The following MYO9A variants were observed in gnomAD, a reference collection of about 807,000 sequenced individuals.
The protein encoded by MYO9A is myosin IXA.
A neutral mutation model predicts 293.3 loss-of-function variants in MYO9A; 103 were observed. The ratio of observed to expected loss-of-function variants is 0.35; its 90% CI spans 0.30 to 0.41. MYO9A has a LOEUF of 0.41. Among genes scored for constraint, MYO9A ranks in the 10% least tolerant of loss-of-function variants. The probability of loss-of-function intolerance (pLI) is 1.00; values close to 1 mark genes in which losing one functional copy is unlikely to be tolerated. For missense variants in MYO9A, 2,685 were observed against 3,033.0 expected, an observed-to-expected ratio of 0.89 and a Z score of 2.69; for synonymous variants, 1,001 against 1,035.7, an observed-to-expected ratio of 0.97 and a Z score of 0.64.
chr15:72,088,676 C>T (rs906830609), intron 1 of MYO9A, among the ~76,000 whole-genome samples: 4 of 152,114 alleles, frequency 2.6e-5, no homozygotes, highest in African/African-American at 7.2e-5. Flanking sequence ...AAGAGCTCTA[C>T]CAGTCAGTAA....
At chr15:72,081,810 T>C (rs1361142676) in intron 1 of MYO9A, among the ~76,000 whole-genome samples, 2 of 152,194 alleles carry the variant, frequency 1.3e-5, no homozygotes, top group Admixed American at 1.3e-4. Context: ...CCTTTGCCCA[T>C]TGCTTGTTTT....
intron 27 of MYO9A, among the ~76,000 whole-genome samples, chr15:71,886,829 T>G (rs1567230826): frequency 2.0e-5 from 3 of 152,114 alleles, no homozygotes; most frequent in Non-Finnish European, 4.4e-5. Flanking sequence ...TATTTCCAGA[T>G]GTATGTTCTT....
chr15:71,998,022 A>G (rs748680355), intron 9 of MYO9A, among the ~76,000 whole-genome samples: 15 of 152,192 alleles, frequency 9.9e-5, no homozygotes, highest in Non-Finnish European at 1.6e-4. Context: ...ACATCCACGT[A>G]TATGCTCACT....
intron 10 of MYO9A, 118 bp downstream of exon 10, chr15:71,994,347 CAAAT>C: frequency 3.6e-6 from 2 of 554,792 alleles, no homozygotes; most frequent in Non-Finnish European, 6.0e-6. Flanking sequence ...TAATAAATAA[CAAAT>C]AAAAGCGATT....
At chr15:71,859,607 T>A in intron 34 of MYO9A, 128 bp downstream of exon 34, 2 of 640,046 alleles carry the variant, frequency 3.1e-6, no homozygotes, top group Non-Finnish European at 5.4e-6. Context: ...ATTTCTACTG[T>A]GATTTGTGGT....
rs771341440 is a variant in MYO9A at position 72,032,604 on chromosome 15, A to G, written c.841-16T>C. 3.8e-6 allele frequency: 6 copies of G among 1,568,926 alleles called. No homozygotes were observed. In the South Asian group the frequency reaches 7.2e-5, roughly 19 times the overall value. ...TTCCAAAGGCCTGTCAAAATAAATA[A>G]TTCTCATTAGTTTCACTAAAAAAAA... On this transcript the variant is annotated splice_polypyrimidine_tract_variant and intron_variant, in intron 2 of 41. Coordinates refer to ENST00000356056, the MANE Select transcript of MYO9A (RefSeq NM_006901.4).
chr15:72,055,687 C>T (rs1262037839), intron 1 of MYO9A, among the ~76,000 whole-genome samples: 1 of 151,816 alleles, frequency 6.6e-6, no homozygotes, highest in Non-Finnish European at 1.5e-5. Flanking sequence ...AGAAGATACA[C>T]AAAAGGTCAA....
chr15:71,966,265 A>AGTGTGTGTGTGTGTGT (rs377708464), intron 13 of MYO9A, among the ~76,000 whole-genome samples: 1,427 of 134,912 alleles, frequency 0.011, 24 homozygotes, highest in African/African-American at 0.023. Flanking sequence ...ATCCCAGGCA[A>AGTGTGTGTGTGTGTGT]GTGTGTGTGT....
At chr15:71,877,264 C>G (rs1017531171) in intron 31 of MYO9A, among the ~76,000 whole-genome samples, 2 of 151,888 alleles carry the variant, frequency 1.3e-5, no homozygotes, top group African/African-American at 4.8e-5. Flanking sequence ...TACACAACAC[C>G]GAGTACGATT....
intron 39 of MYO9A, among the ~76,000 whole-genome samples, chr15:71,837,343 AAAAC>A (rs1366062307): frequency 2.6e-5 from 4 of 152,154 alleles, no homozygotes; most frequent in African/African-American, 9.6e-5. Flanking sequence ...CATGTTAAGA[AAAAC>A]AAGCTAAAAA....
In MYO9A at chr15:72,007,113, A is replaced by G. The variant is rs182726522; in HGVS notation, c.1380+713T>C. Among the ~76,000 whole-genome samples, 3 of 152,298 alleles carry G rather than the reference A, an allele frequency of 2.0e-5. No homozygotes were observed. In the East Asian group the frequency reaches 5.8e-4, roughly 29 times the overall value. On this transcript the variant is annotated intron_variant, in intron 8 of 41. Coordinates refer to ENST00000356056, the MANE Select transcript of MYO9A (RefSeq NM_006901.4). ...GTTTACCTTTATATAGATACAGATG[A>G]TTACATATTAAAATATGTATAGATA...
intron 7 of MYO9A, among the ~76,000 whole-genome samples, chr15:72,008,439 GT>G (rs753480820): frequency 2.1e-3 from 175 of 84,810 alleles, no homozygotes; most frequent in African/African-American, 7.8e-3. Flanking sequence ...GTAAATGGGT[GT>G]GTGTGTGTGT....
intron 1 of MYO9A, among the ~76,000 whole-genome samples, chr15:72,099,815 C>T (rs1244434443): frequency 6.9e-6 from 1 of 144,196 alleles, no homozygotes; most frequent in African/African-American, 2.5e-5. Context: ...GACAGGAGAA[C>T]TGCTTGAACC....
At chr15:72,078,422 A>G (rs1451745530) in intron 1 of MYO9A, among the ~76,000 whole-genome samples, 1 of 152,102 alleles carries the variant, frequency 6.6e-6, no homozygotes, top group Non-Finnish European at 1.5e-5. Context: ...AACCAGAAAG[A>G]TAGAGGCTAG....
intron 4 of MYO9A, among the ~76,000 whole-genome samples, chr15:72,023,643 T>A (rs920003846): frequency 7.2e-6 from 1 of 138,824 alleles, no homozygotes; most frequent in Admixed American, 8.1e-5. Context: ...TGTACTAAGC[T>A]GAGATCACAC....
At chr15:72,100,338 T>C (rs906431141) in intron 1 of MYO9A, among the ~76,000 whole-genome samples, 3 of 152,184 alleles carry the variant, frequency 2.0e-5, no homozygotes, top group African/African-American at 7.2e-5. Flanking sequence ...TGCTCGGTGG[T>C]GCCCAGGCTG....
intron 15 of MYO9A, chr15:71,951,574 G>A (rs2059051359): frequency 2.0e-6 from 1 of 503,318 alleles, no homozygotes; most frequent in South Asian, 4.7e-5. Flanking sequence ...CAGGCAAACA[G>A]AAAAGTCACC....
intron 36 of MYO9A, 59 bp from the exon 37 acceptor site, chr15:71,851,417 C>A: frequency 7.5e-7 from 1 of 1,337,798 alleles, no homozygotes; most frequent in Non-Finnish European, 1.1e-6. Flanking sequence ...AGTGTATCTT[C>A]CTCCCAGACA....
chr15:72,082,185 G>A (rs2079567215), intron 1 of MYO9A, among the ~76,000 whole-genome samples: 1 of 152,102 alleles, frequency 6.6e-6, no homozygotes, highest in East Asian at 1.9e-4. Flanking sequence ...ATTAGTTTGT[G>A]TCATCTCTGA....
Sources: gnomAD v4.1 joint callset for allele counts (sites outside exome capture counted in the v4.1 genomes callset) on GRCh38, gnomAD v4.1.1 for gene constraint, MANE v1.5 for transcripts, NCBI Gene and HGNC (gene_info 2026-07-23, HGNC 2026-07-21) for gene names.